The following ZNF432 variants were observed in gnomAD, a reference collection of about 807,000 sequenced individuals.
ZNF432 encodes zinc finger protein 432.
A neutral mutation model predicts 13.9 loss-of-function variants in ZNF432; 10 were observed. The ratio of observed to expected loss-of-function variants is 0.72; its 90% CI spans 0.44 to 1.22. The LOEUF (loss-of-function observed/expected upper bound fraction) is 1.22, where lower values mean the gene tolerates loss of function less well. Ranked by LOEUF, ZNF432 falls within the 50% of genes most tolerant of loss-of-function variation. The pLI is 0.00. For synonymous variants in ZNF432, 247 were observed against 256.2 expected, an observed-to-expected ratio of 0.96 and a Z score of 0.34; for missense variants, 793 against 796.2, an observed-to-expected ratio of 1.00 and a Z score of 0.05.
At chr19:52,037,321 C>G (rs1382727343) in intron 4 of ZNF432, among the ~76,000 whole-genome samples, 1 of 152,152 alleles carries the variant, frequency 6.6e-6, no homozygotes, top group Non-Finnish European at 1.5e-5. Context: ...AGTCAACACT[C>G]CACCCTTTGG....
Position 52,032,500 on chromosome 19 carries a change from A to T in ZNF432, c.*1220T>A, listed in dbSNP as rs1318259078. 1 of 147,188 alleles carries T rather than the reference A, an allele frequency of 6.8e-6. No homozygotes were observed. Among genetic ancestry groups the T allele is most frequent in the African/African-American group, 2.5e-5 (1 of 39,642 alleles). The allele number at this position is 147,188 out of a possible 1,614,324, so 9.1% of individuals were successfully genotyped here. ...TGCCCAGGCTGGAATGCAATGGCGC[A>T]ATCTTGGCTCACTGAAACCTCTGCC... On this transcript the variant is annotated 3_prime_UTR_variant, in exon 5 of 5. Coordinates refer to ENST00000221315, the MANE Select transcript of ZNF432 (RefSeq NM_014650.4).
rs2087046442 is a variant in ZNF432 at position 52,034,253 on chromosome 19, G to A, written c.1426C>T (p.Gln476Ter). The change falls in exon 5 of 5, where the codon CAG (glutamine) becomes TAG (stop). Residue 476 changes from glutamine (Q) to a stop codon, truncating the protein, a stop_gained. Transcript: ENST00000221315. LOFTEE classifies it low-confidence loss of function (END_TRUNC). The stretch of plus-strand genomic sequence containing the variant: ...GGTTTCTCTCCAGTATGAGTTCGCT[G>A]ATGTACAATCAGCCGACTCTTCAAG... ...FPLKSRLIVH[Q>*]RTHTGEKPYR... 1 of 1,614,050 alleles carries A rather than the reference G, an allele frequency of 6.2e-7. No individual in the cohort carries two copies.
chr19:52,048,033 G>A (rs548061459), intron 1 of ZNF432, among the ~76,000 whole-genome samples: 8 of 151,836 alleles, frequency 5.3e-5, no homozygotes, highest in South Asian at 2.1e-4. Flanking sequence ...GAAAGCCAGA[G>A]GATTAGAAAA....
Position 52,034,653 on chromosome 19 carries a change from C to T in ZNF432, c.1026G>A (p.Glu342=). The change falls in exon 5 of 5, where the codon GAG becomes GAA. Residue 342 remains glutamate (E), a synonymous_variant. Coordinates refer to ENST00000221315, the MANE Select transcript of ZNF432 (RefSeq NM_014650.4). ...CACATTCACTACAGATGTAGGGCTT[C>T]TCTCCTGTATGAGTTCGCTGATGTA... ...LIIHQRTHTG[E]KPYICSECGK... The T allele has an allele frequency of 6.2e-7, 1 of 1,613,582 alleles. No individual in the cohort carries two copies. The highest frequency in any genetic ancestry group is 8.5e-7 in the Non-Finnish European group (1 of 1,179,792).
At chr19:52,046,581 A>G (rs1038280437) in intron 2 of ZNF432, among the ~76,000 whole-genome samples, 2 of 152,252 alleles carry the variant, frequency 1.3e-5, no homozygotes, top group Non-Finnish European at 2.9e-5. Context: ...CAGTCACTGT[A>G]TAACTTAGTG....
Position 52,035,296 on chromosome 19 carries a change from T to C in ZNF432, c.383A>G (p.Asp128Gly). The C allele has an allele frequency of 6.2e-7, 1 of 1,611,134 alleles. No homozygotes were observed. Among genetic ancestry groups the C allele is most frequent in the South Asian group, 1.1e-5 (1 of 89,924 alleles). Reference protein sequence around the residue: ...KSLCLFRENHDTFELYIKTLK... With the variant: ...KSLCLFRENHGTFELYIKTLK... ...AGTTTTTATATATAACTCAAATGTA[T>C]CATGATTTTCCCTGAAAAGACAAAG... Residue 128 changes from aspartate to glycine, a missense_variant, in exon 5 of 5, where the codon GAT becomes GGT. By Grantham distance (94) the Asp-to-Gly change is moderately conservative. Coordinates refer to ENST00000221315, the MANE Select transcript of ZNF432 (RefSeq NM_014650.4).
In ZNF432 at chr19:52,034,018, C is replaced by A. The variant is rs779214112; in HGVS notation, c.1661G>T (p.Arg554Leu). The change falls in exon 5 of 5, where the codon CGC becomes CTC. Residue 554 changes from arginine (R) to leucine (L), a missense_variant. Coordinates refer to ENST00000221315, the MANE Select transcript of ZNF432 (RefSeq NM_014650.4). ...SECGKGFTMKRYLIVHQQIHT... is the reference protein window; with the variant it reads ...SECGKGFTMKLYLIVHQQIHT... Reference sequence around the variant, plus strand: ...AATTTGCTGATGTACAATGAGATAGCGTTTCATGGTGAAGCCTTTTCCACA... The same window carrying A: ...AATTTGCTGATGTACAATGAGATAGAGTTTCATGGTGAAGCCTTTTCCACA... The A allele has an allele frequency of 6.2e-7, 1 of 1,614,180 alleles. No individual in the cohort carries two copies.
rs1026712153 is a variant in ZNF432, at chr19:52,041,485, G to T, written c.137C>A (p.Ser46Ter). The T allele has an allele frequency of 6.2e-7, 1 of 1,602,420 alleles. No individual in the cohort carries two copies. The highest frequency in any genetic ancestry group is 1.3e-5 in the African/African-American group (1 of 74,578). Residue 46 changes from serine (S) to a stop codon, truncating the protein, a stop_gained, in exon 3 of 5, where the codon TCA becomes TAA. Coordinates refer to ENST00000221315, the MANE Select transcript of ZNF432 (RefSeq NM_014650.4). LOFTEE classifies it high-confidence loss of function. The part of the protein sequence containing the change: ...VMLEIYSNLL[S>*]MGYQVSKPDA... Reference sequence around the variant, plus strand: ...CACAGAGCAGCTGTCCTCACCCATTGATAGCAGGTTGCTGTAGATCTCCAA... The same window carrying T: ...CACAGAGCAGCTGTCCTCACCCATTTATAGCAGGTTGCTGTAGATCTCCAA...
chr19:52,041,422 A>G, intron 3 of ZNF432, 58 bp downstream of exon 3: 1 of 1,518,430 alleles, frequency 6.6e-7, no homozygotes, highest in Non-Finnish European at 8.8e-7. Flanking sequence ...TAAGCAACTG[A>G]GAAAGCAAAG....
At position 52,040,561 on chromosome 19, in the gene ZNF432, A is replaced by G. The variant is rs1411305208; in HGVS notation, c.165T>C (p.Asp55=). The G allele has an allele frequency of 1.2e-6, 2 of 1,614,124 alleles. No individual in the cohort carries two copies. The highest frequency in any genetic ancestry group is 2.2e-5 in the South Asian group (2 of 91,086). ...LSMGYQVSKP[D]ALSKLERGEE... ...CTCCTCGTTCCAACTTGGAGAGTGC[A>G]TCTGGTTTGCTGACTTGATAACCTG... The change falls in exon 4 of 5, where the codon GAT becomes GAC. Residue 55 remains aspartate (D), a synonymous_variant. Coordinates refer to ENST00000221315, the MANE Select transcript of ZNF432 (RefSeq NM_014650.4).
rs752594959 is a variant in ZNF432 at position 52,035,379 on chromosome 19, A to C, written c.300T>G (p.Ser100Arg). The change falls in exon 5 of 5, where the codon AGT becomes AGG. Residue 100 changes from serine to arginine, a missense_variant. By Grantham distance (110) the Ser-to-Arg change is moderately radical. Transcript: ENST00000221315. ...CATTATGTTCATGGTATTGTTCCAC[A>C]CTCTTCAGCATCCTTTGATTTTCCA... ...DHLENQRMLK[S>R]VEQYHEHNAF... The C allele has an allele frequency of 1.3e-6, 2 of 1,596,582 alleles. No individual in the cohort carries two copies. The highest frequency in any genetic ancestry group is 1.7e-4 in the Middle Eastern group (1 of 5,970).
At chr19:52,048,183 A>ACACACACACAC (rs67232726) in intron 1 of ZNF432, among the ~76,000 whole-genome samples, 204 of 145,382 alleles carry the variant, frequency 1.4e-3, no homozygotes, top group Middle Eastern at 3.5e-3. Context: ...ACACACACAC[A>ACACACACACAC]AAACCAGCCA....
intron 4 of ZNF432, among the ~76,000 whole-genome samples, chr19:52,036,490 A>G (rs903097528): frequency 6.6e-6 from 1 of 152,262 alleles, no homozygotes; most frequent in Non-Finnish European, 1.5e-5. Flanking sequence ...AGATGACAGC[A>G]TCTGATAATG....
intron 2 of ZNF432, among the ~76,000 whole-genome samples, chr19:52,042,025 A>G (rs1231854477): frequency 6.6e-6 from 1 of 152,216 alleles, no homozygotes; most frequent in East Asian, 1.9e-4. Flanking sequence ...TAATTGTTAA[A>G]TGGATTAAAA....
In ZNF432 at chr19:52,034,729, T is replaced by C. The variant is rs373005779; in HGVS notation, c.950A>G (p.Tyr317Cys). ...HQRNHTGEKS[Y>C]ICSECGKGFT... is the part of the protein sequence containing the mutation. Reference sequence around the variant, plus strand: ...GCCTTTTCCACATTCACTACATATATAGGATTTCTCTCCAGTATGATTTCG... The same window carrying C: ...GCCTTTTCCACATTCACTACATATACAGGATTTCTCTCCAGTATGATTTCG... The change falls in exon 5 of 5, where the codon TAT (tyrosine) becomes TGT (cysteine). Residue 317 changes from tyrosine (Y) to cysteine (C), a missense_variant. By Grantham distance (194) the Tyr-to-Cys change is radical. Coordinates refer to ENST00000221315, the MANE Select transcript of ZNF432 (RefSeq NM_014650.4). 5.0e-6 allele frequency: 8 copies of C among 1,613,564 alleles called. No homozygotes were observed. The highest frequency in any genetic ancestry group is 1.3e-5 in the African/African-American group (1 of 74,868).
chr19:52,034,310 A>AG lies in ZNF432; in HGVS notation c.1368dup (p.Tyr457LeufsTer5). ...CCTTTCCCACATTCACTGCATGTGTAGGGCTTCTCTCCTGTATGAGTTCGC... is the reference window on the plus strand; with the variant it reads ...CCTTTCCCACATTCACTGCATGTGTAGGGGCTTCTCTCCTGTATGAGTTCGC... On this transcript the variant is annotated frameshift_variant, in exon 5 of 5. Coordinates refer to ENST00000221315, the MANE Select transcript of ZNF432 (RefSeq NM_014650.4). LOFTEE classifies it low-confidence loss of function (END_TRUNC). 1 of 1,609,730 alleles carries AG rather than the reference A, an allele frequency of 6.2e-7. No homozygotes were observed. The highest frequency in any genetic ancestry group is 1.3e-5 in the African/African-American group (1 of 74,834).
intron 4 of ZNF432, among the ~76,000 whole-genome samples, chr19:52,036,431 G>A (rs568957456): frequency 1.3e-5 from 2 of 152,320 alleles, no homozygotes; most frequent in South Asian, 4.1e-4. Context: ...GGAGAGTGAG[G>A]AAAGTGAGGG....
intron 3 of ZNF432, among the ~76,000 whole-genome samples, chr19:52,041,231 G>C (rs1355653826): frequency 9.9e-5 from 15 of 152,150 alleles, no homozygotes; most frequent in Non-Finnish European, 5.9e-5. Flanking sequence ...GGTGTGTGTA[G>C]GTTATATGCA....
At chr19:52,046,429 G>C (rs562336189) in intron 2 of ZNF432, among the ~76,000 whole-genome samples, 2 of 152,318 alleles carry the variant, frequency 1.3e-5, no homozygotes, top group South Asian at 4.1e-4. Flanking sequence ...ATAAACAGCA[G>C]TAAGAAATCT....
Sources: gnomAD v4.1 joint callset for allele counts (sites outside exome capture counted in the v4.1 genomes callset) on GRCh38, gnomAD v4.1.1 for gene constraint, MANE v1.5 for transcripts, NCBI Gene and HGNC (gene_info 2026-07-23, HGNC 2026-07-21) for gene names.